SMAD1: variants seen among roughly 807,000 people sequenced by gnomAD.
SMAD1 encodes the protein SMAD family member 1, also known as MAD, mothers against decapentaplegic homolog 1.
In SMAD1, 6 loss-of-function variants were observed where a neutral mutation model predicts 41.6. The observed-to-expected ratio is 0.14, with a 90% confidence interval of 0.08 to 0.28. The LOEUF is 0.28. Among genes scored for constraint, SMAD1 ranks in the 10% least tolerant of loss-of-function variants. The pLI is 1.00. For missense variants in SMAD1, 379 were observed against 582.6 expected (o/e 0.65, Z 3.60); for synonymous variants, 206 against 203.2 (o/e 1.01, Z -0.12).
At chr4:145,485,746 C>T (rs1728451156) in intron 1 of SMAD1, among the ~76,000 whole-genome samples, 1 of 152,218 alleles carries the variant, frequency 6.6e-6, no homozygotes, top group African/African-American at 2.4e-5. Context: ...GTCATCGATT[C>T]TAATTTGGTT....
Position 145,528,060 on chromosome 4 carries a change from T to TACACACAC in SMAD1, c.401-11718_401-11711dup, listed in dbSNP as rs35710925. Among the ~76,000 whole-genome samples, 61 of 142,158 alleles carry TACACACAC rather than the reference T, an allele frequency of 4.3e-4. No individual in the cohort carries two copies. The South Asian group carries it at 5.0e-3, about 12-fold the overall frequency. 93.3% of individuals were successfully genotyped at this position (142,158 alleles called of 152,430 possible). ...CACTCTCGGCTAATTTTTTTGTTTG[T>TACACACAC]ACACACACACACACACACACACACA... On this transcript the variant is annotated intron_variant, in intron 2 of 6. Coordinates refer to ENST00000302085, the MANE Select transcript of SMAD1 (RefSeq NM_005900.3).
At chr4:145,500,241 T>C (rs1316022329) in intron 1 of SMAD1, among the ~76,000 whole-genome samples, 2 of 152,152 alleles carry the variant, frequency 1.3e-5, no homozygotes, top group East Asian at 3.9e-4. Context: ...GTAATTCTAT[T>C]AAACTCTAAG....
intron 1 of SMAD1, among the ~76,000 whole-genome samples, chr4:145,507,974 T>C (rs1347086111): frequency 6.6e-6 from 1 of 152,128 alleles, no homozygotes; most frequent in East Asian, 1.9e-4. Context: ...TGTCTGGGCA[T>C]GTTTATATGC....
chr4:145,557,890 A>T lies in SMAD1; in HGVS notation c.1354A>T (p.Thr452Ser). ...GPLQWLDKVL[T>S]QMGSPHNPIS... ...CCTCCAGTGGCTGGATAAAGTTCTT[A>T]CTCAAATGGGTTCACCTCATAATCC... The change falls in exon 7 of 7, where the codon ACT (threonine) becomes TCT (serine). Residue 452 changes from threonine (T) to serine (S), a missense_variant. Coordinates refer to ENST00000302085, the MANE Select transcript of SMAD1 (RefSeq NM_005900.3). The T allele has an allele frequency of 1.2e-6, 2 of 1,612,420 alleles. No individual in the cohort carries two copies. The highest frequency in any genetic ancestry group is 1.7e-6 in the Non-Finnish European group (2 of 1,178,904).
chr4:145,541,403 C>T (rs74539516), intron 3 of SMAD1, among the ~76,000 whole-genome samples: 2,408 of 152,320 alleles, frequency 0.016, 71 homozygotes, highest in African/African-American at 0.055. Context: ...ATGAAATTTT[C>T]ACCAGCTTCT....
chr4:145,526,091 A>G (rs1047537468), intron 2 of SMAD1, among the ~76,000 whole-genome samples: 3 of 152,188 alleles, frequency 2.0e-5, no homozygotes, highest in African/African-American at 7.2e-5. Flanking sequence ...TTTTATCTAA[A>G]TTGTGGCCTG....
intron 5 of SMAD1, among the ~76,000 whole-genome samples, chr4:145,553,405 G>C (rs1732662281): frequency 6.6e-6 from 1 of 152,122 alleles, no homozygotes; most frequent in African/African-American, 2.4e-5. Context: ...GGATGAAACT[G>C]TTCCACTTCA....
chr4:145,535,738 A>T (rs1731576220), intron 2 of SMAD1, among the ~76,000 whole-genome samples: 1 of 152,136 alleles, frequency 6.6e-6, no homozygotes, highest in South Asian at 2.1e-4. Flanking sequence ...TAGGGAGTAT[A>T]TTGTTTTGAC....
intron 1 of SMAD1, among the ~76,000 whole-genome samples, chr4:145,509,954 A>G (rs1228801757): frequency 6.6e-6 from 1 of 152,208 alleles, no homozygotes; most frequent in Admixed American, 6.5e-5. Context: ...AGTGAGAATC[A>G]GCTATGTGCC....
chr4:145,532,690 C>T (rs1034247690), intron 2 of SMAD1, among the ~76,000 whole-genome samples: 2 of 152,194 alleles, frequency 1.3e-5, no homozygotes, highest in African/African-American at 2.4e-5. Context: ...AAACAAGGGT[C>T]ACCTTAGTGC....
chr4:145,499,704 G>A (rs1410208041), intron 1 of SMAD1, among the ~76,000 whole-genome samples: 1 of 152,158 alleles, frequency 6.6e-6, no homozygotes, highest in East Asian at 1.9e-4. Flanking sequence ...CCATCCCCAA[G>A]ATATCTCATT....
intron 1 of SMAD1, among the ~76,000 whole-genome samples, chr4:145,512,481 C>T (rs1730137602): frequency 6.6e-6 from 1 of 152,164 alleles, no homozygotes; most frequent in South Asian, 2.1e-4. Flanking sequence ...TCTTCCTGCT[C>T]ACTAATCTTT....
intron 1 of SMAD1, among the ~76,000 whole-genome samples, chr4:145,511,708 C>T (rs1730090295): frequency 6.6e-6 from 1 of 152,136 alleles, no homozygotes; most frequent in Non-Finnish European, 1.5e-5. Flanking sequence ...AACACAAGGA[C>T]CTTAGAATGC....
At chr4:145,517,240 GA>G (rs1730460535) in intron 2 of SMAD1, 2 of 152,104 alleles carry the variant, frequency 1.3e-5, no homozygotes, top group African/African-American at 4.8e-5. Context: ...GAGTTCTCTG[GA>G]AACATTCCAT....
chr4:145,519,537 C>A (rs1730621177), intron 2 of SMAD1, among the ~76,000 whole-genome samples: 1 of 150,226 alleles, frequency 6.7e-6, no homozygotes, highest in Non-Finnish European at 1.5e-5. Context: ...TGCCTATAGT[C>A]CTACCTATTC....
At chr4:145,499,069 A>G (rs1011837948) in intron 1 of SMAD1, among the ~76,000 whole-genome samples, 4 of 152,210 alleles carry the variant, frequency 2.6e-5, no homozygotes, top group Non-Finnish European at 5.9e-5. Context: ...ATGTAAAATT[A>G]TACCACTCAT....
chr4:145,483,483 T>C (rs1404447377), intron 1 of SMAD1, among the ~76,000 whole-genome samples: 1 of 152,210 alleles, frequency 6.6e-6, no homozygotes, highest in Non-Finnish European at 1.5e-5. Context: ...AGGTGGACCG[T>C]GTTAAAAAAG....
At chr4:145,513,970 T>G (rs1322368376) in intron 1 of SMAD1, among the ~76,000 whole-genome samples, 4 of 152,214 alleles carry the variant, frequency 2.6e-5, no homozygotes. Context: ...TAGTCTGCTT[T>G]GGTTGCCATA....
intron 2 of SMAD1, among the ~76,000 whole-genome samples, chr4:145,522,677 TTTTTTTG>T (rs1490271029): frequency 1.3e-5 from 2 of 149,664 alleles, no homozygotes; most frequent in Non-Finnish European, 2.9e-5. Context: ...TTTTGTTTTG[TTTTTTTG>T]TTTTTTTTAA....
Sources: gnomAD v4.1 joint callset for allele counts (sites outside exome capture counted in the v4.1 genomes callset) on GRCh38, gnomAD v4.1.1 for gene constraint, MANE v1.5 for transcripts, NCBI Gene and HGNC (gene_info 2026-07-23, HGNC 2026-07-21) for gene names.